RGS6: variants seen among roughly 807,000 people sequenced by gnomAD.
RGS6 encodes the protein regulator of G-protein signaling 6.
A neutral mutation model predicts 78.5 loss-of-function variants in RGS6; 30 were observed. That is an observed-to-expected ratio of 0.38 (90% CI 0.29 to 0.52). The LOEUF (loss-of-function observed/expected upper bound fraction) is 0.52. Ranked by LOEUF, RGS6 falls within the 20% of genes least tolerant of loss-of-function variation. The probability of loss-of-function intolerance (pLI) is 0.85; values close to 1 mark genes in which losing one functional copy is unlikely to be tolerated. For synonymous variants in RGS6, 206 were observed against 206.0 expected (o/e 1.00, Z 0.00); for missense variants, 495 against 609.7 (o/e 0.81, Z 1.98).
chr14:72,482,380 A>C lies in RGS6; in HGVS notation c.854+4051A>C, dbSNP rs549628408. Among the ~76,000 whole-genome samples the C allele has an allele frequency of 3.2e-4, 49 of 152,196 alleles. 1 individual carries two copies. Among genetic ancestry groups the C allele is most frequent in the South Asian group, 1.0e-3 (5 of 4,822 alleles). ...GCTTTCTCTACTAACCCTTCCCCCCAACACCCAACCCCTGCTTTCCAATCT... is the reference window on the plus strand; with the variant it reads ...GCTTTCTCTACTAACCCTTCCCCCCCACACCCAACCCCTGCTTTCCAATCT... On this transcript the variant is annotated intron_variant, in intron 12 of 17. Coordinates refer to ENST00000553525, the MANE Select transcript of RGS6 (RefSeq NM_001204424.2).
chr14:72,126,648 A>T (rs959997579), intron 2 of RGS6, among the ~76,000 whole-genome samples: 1 of 152,182 alleles, frequency 6.6e-6, no homozygotes, highest in South Asian at 2.1e-4. Flanking sequence ...TACTAAGAAA[A>T]TAGAAAACAC....
At chr14:71,901,063 C>T in the RGS6 span, among the ~76,000 whole-genome samples, 2 of 152,276 alleles carry the variant, frequency 1.3e-5, no homozygotes, top group South Asian at 2.1e-4. Context: ...CCACCAGGCT[C>T]CACCTCCAAC....
At chr14:72,408,231 G>A (rs2093107330) in intron 3 of RGS6, among the ~76,000 whole-genome samples, 1 of 152,178 alleles carries the variant, frequency 6.6e-6, no homozygotes, top group Non-Finnish European at 1.5e-5. Context: ...ACTCGAGTCT[G>A]TTTATACTAA....
At position 72,317,942 on chromosome 14, in the gene RGS6, T is replaced by G. The variant is rs72721897; in HGVS notation, c.85-34153T>G. Among the ~76,000 whole-genome samples, 1,258 of 152,270 alleles carry G rather than the reference T, an allele frequency of 8.3e-3. 10 individuals are homozygous for G. Among genetic ancestry groups the G allele is most frequent in the South Asian group, 0.03 (147 of 4,824 alleles). Reference sequence around the variant, plus strand: ...CAGTCCAAGTCCCAAACGATTTTATTTGACAAAAGACAAAAACAGAAGTTA... The same window carrying G: ...CAGTCCAAGTCCCAAACGATTTTATGTGACAAAAGACAAAAACAGAAGTTA... On this transcript the variant is annotated intron_variant, in intron 2 of 17. Coordinates refer to ENST00000553525, the MANE Select transcript of RGS6 (RefSeq NM_001204424.2).
chr14:71,996,166 T>TC (rs986545615), intron 2 of RGS6, among the ~76,000 whole-genome samples: 1 of 151,478 alleles, frequency 6.6e-6, no homozygotes, highest in Non-Finnish European at 1.5e-5. Flanking sequence ...GTTTTTTTTT[T>TC]TTTGTGATTT....
chr14:72,625,068 C>T, the RGS6 span, among the ~76,000 whole-genome samples: 1 of 152,024 alleles, frequency 6.6e-6, no homozygotes, highest in Non-Finnish European at 1.5e-5. Flanking sequence ...AGATTATCTC[C>T]TCAACAAGAG....
chr14:71,950,827 A>G (rs556607146), intron 1 of RGS6, among the ~76,000 whole-genome samples: 14 of 152,338 alleles, frequency 9.2e-5, no homozygotes, highest in South Asian at 4.1e-4. Flanking sequence ...ATCACTGATC[A>G]TTAGAGAAAT....
At chr14:72,033,221 G>A (rs959650403) in intron 2 of RGS6, among the ~76,000 whole-genome samples, 1 of 152,088 alleles carries the variant, frequency 6.6e-6, no homozygotes, top group Non-Finnish European at 1.5e-5. Context: ...CAAAATGGTT[G>A]CATTGGTGGG....
the RGS6 span, among the ~76,000 whole-genome samples, chr14:72,609,667 C>T: frequency 6.6e-6 from 1 of 152,184 alleles, no homozygotes; most frequent in Non-Finnish European, 1.5e-5. Context: ...CACACACCTA[C>T]AGAGACCGCA....
the RGS6 span, among the ~76,000 whole-genome samples, chr14:72,589,596 C>CTA: frequency 0.39 from 58,811 of 151,124 alleles, 11,883 homozygotes; most frequent in East Asian, 0.75. Context: ...CAATATGTCA[C>CTA]TATATATATA....
chr14:72,207,434 C>T (rs1428084347), intron 2 of RGS6, among the ~76,000 whole-genome samples: 1 of 152,168 alleles, frequency 6.6e-6, no homozygotes, highest in Non-Finnish European at 1.5e-5. Flanking sequence ...TTGCTTTCAT[C>T]TTGTTCATCC....
chr14:72,325,744 C>A (rs989878178), intron 2 of RGS6, among the ~76,000 whole-genome samples: 2 of 151,930 alleles, frequency 1.3e-5, no homozygotes, highest in African/African-American at 4.8e-5. Flanking sequence ...ATAGGTACTT[C>A]CCAAAAAGAA....
At chr14:72,489,260 C>T (rs2096544190) in intron 12 of RGS6, among the ~76,000 whole-genome samples, 1 of 151,568 alleles carries the variant, frequency 6.6e-6, no homozygotes, top group Non-Finnish European at 1.5e-5. Context: ...TGACTCAGAT[C>T]CTCTGGGGCA....
At chr14:72,465,076 G>A (rs972733998) in intron 6 of RGS6, among the ~76,000 whole-genome samples, 1 of 152,174 alleles carries the variant, frequency 6.6e-6, no homozygotes, top group African/African-American at 2.4e-5. Context: ...GGAGAGAAGA[G>A]AGAAAGACTT....
chr14:72,384,547 A>G (rs976888993), intron 3 of RGS6, among the ~76,000 whole-genome samples: 2 of 152,150 alleles, frequency 1.3e-5, no homozygotes, highest in Non-Finnish European at 2.9e-5. Context: ...ATTAAAGATC[A>G]CTTATTGGCT....
At chr14:72,062,847 G>A (rs545322416) in intron 2 of RGS6, among the ~76,000 whole-genome samples, 8 of 152,154 alleles carry the variant, frequency 5.3e-5, no homozygotes, top group Non-Finnish European at 1.0e-4. Flanking sequence ...TTGTTTCTGA[G>A]ACATAGTCTT....
chr14:72,542,692 A>G (rs1324154623), intron 17 of RGS6, among the ~76,000 whole-genome samples: 1 of 152,254 alleles, frequency 6.6e-6, no homozygotes, highest in African/African-American at 2.4e-5. Context: ...AGGTGATTGG[A>G]TAACTCATTC....
intron 10 of RGS6, among the ~76,000 whole-genome samples, chr14:72,475,199 G>GTTTTT (rs11300478): frequency 4.9e-5 from 6 of 122,006 alleles, no homozygotes; most frequent in Non-Finnish European, 5.1e-5. Context: ...CTTTTTTATG[G>GTTTTT]TTTTTTTTTT....
chr14:72,361,004 T>C (rs574128120), intron 3 of RGS6, among the ~76,000 whole-genome samples: 1 of 152,210 alleles, frequency 6.6e-6, no homozygotes, highest in South Asian at 2.1e-4. Context: ...ATTTAAGACA[T>C]GCGTGCTTCC....
Sources: gnomAD v4.1 joint callset for allele counts (sites outside exome capture counted in the v4.1 genomes callset) on GRCh38, gnomAD v4.1.1 for gene constraint, MANE v1.5 for transcripts, NCBI Gene and HGNC (gene_info 2026-07-23, HGNC 2026-07-21) for gene names.